The following PHGDH variants were observed in gnomAD, a reference collection of about 807,000 sequenced individuals.
PHGDH encodes the protein D-3-phosphoglycerate dehydrogenase.
Under a neutral mutation model 52.6 loss-of-function variants are expected in PHGDH, and 50 were observed. The observed-to-expected ratio is 0.95, with a 90% CI of 0.76 to 1.20. PHGDH has a LOEUF of 1.20. PHGDH is among the 50% of genes most tolerant of loss of function. The pLI, the probability that PHGDH is intolerant of heterozygous loss-of-function variation, is 0.00. For missense variants in PHGDH, 630 were observed against 684.6 expected (o/e 0.92, Z 0.89); for synonymous variants, 271 against 280.5 (o/e 0.97, Z 0.34).
intron 5 of PHGDH, among the ~76,000 whole-genome samples, chr1:119,731,355 C>T (rs1651682558): frequency 1.3e-5 from 2 of 152,172 alleles, no homozygotes; most frequent in African/African-American, 4.8e-5. Flanking sequence ...AGACTCAGCT[C>T]ATTCATGCTG....
In PHGDH at chr1:119,723,431, T is replaced by A. The variant is rs758575103; in HGVS notation, c.346T>A (p.Cys116Ser). ...AGAACTCACTTGTGGAATGATCATG[T>A]GCCTGGCCAGGTAAGTCCCTGACTT... Reference protein sequence around the residue: ...AAELTCGMIMCLARQIPQATA... With the variant: ...AAELTCGMIMSLARQIPQATA... Residue 116 changes from cysteine (C) to serine (S), a missense_variant, in exon 3 of 12, where the codon TGC becomes AGC. Physicochemically the swap from Cys to Ser is moderately radical, Grantham distance 112. Coordinates refer to ENST00000641023, the MANE Select transcript of PHGDH (RefSeq NM_006623.4). The A allele has an allele frequency of 3.7e-6, 6 of 1,613,298 alleles. No individual in the cohort carries two copies. Among genetic ancestry groups the A allele is most frequent in the South Asian group, 2.2e-5 (2 of 91,070 alleles).
intron 11 of PHGDH, 84 bp from the exon 12 acceptor site, chr1:119,743,802 C>T: frequency 2.8e-6 from 3 of 1,064,238 alleles, no homozygotes; most frequent in Admixed American, 1.7e-5. Flanking sequence ...ATCACAAAAG[C>T]TTTGAACTTC....
chr1:119,730,234 A>T (rs1035784592), intron 5 of PHGDH, among the ~76,000 whole-genome samples: 10 of 152,240 alleles, frequency 6.6e-5, no homozygotes, highest in Admixed American at 4.6e-4. Context: ...GGAAATGAGG[A>T]TAAGTGTTTA....
intron 9 of PHGDH, among the ~76,000 whole-genome samples, chr1:119,741,017 C>T (rs587700903): frequency 1.3e-5 from 2 of 152,220 alleles, no homozygotes; most frequent in Admixed American, 6.5e-5. Context: ...TACCTTGGGC[C>T]GTCTGACAGC....
chr1:119,733,250 A>ACCTTAATCT (rs1440457562), intron 5 of PHGDH, among the ~76,000 whole-genome samples: 10 of 152,172 alleles, frequency 6.6e-5, no homozygotes, highest in African/African-American at 1.7e-4. Context: ...AGGGATCCAG[A>ACCTTAATCT]GGCTTCACCT....
chr1:119,740,532 CT>C lies in PHGDH; in HGVS notation c.1078+16del. ...TGATAACACAGGGTGAGCTGGGGAC[CT>C]TGCAGAGGGAGGGGGAGGAGGGGAT... On this transcript the variant is annotated intron_variant, in intron 9 of 11. Coordinates refer to ENST00000641023, the MANE Select transcript of PHGDH (RefSeq NM_006623.4). 6.4e-7 allele frequency: 1 copy of C among 1,555,644 alleles called. No homozygotes were observed. The highest frequency in any genetic ancestry group is 8.7e-7 in the Non-Finnish European group (1 of 1,147,970).
At chr1:119,727,413 A>G (rs1416720118) in intron 5 of PHGDH, 2 of 431,828 alleles carry the variant, frequency 4.6e-6, no homozygotes, top group African/African-American at 4.0e-5. Flanking sequence ...AAGAATTTAA[A>G]CAAGAGACAC....
chr1:119,719,423 A>G (rs1651054987), intron 1 of PHGDH, among the ~76,000 whole-genome samples: 1 of 152,148 alleles, frequency 6.6e-6, no homozygotes, highest in Non-Finnish European at 1.5e-5. Context: ...ATTTCTTCAA[A>G]TCTCCCACTC....
In PHGDH at chr1:119,742,934, A is replaced by AG; in HGVS notation, c.1341dup (p.Leu448AlafsTer27). ...GTCCAAGGCACTACGCCTGTACTGCAGGGGCTCAATGGAGCTGTCTTCAGG... is the reference window on the plus strand; with the variant it reads ...GTCCAAGGCACTACGCCTGTACTGCAGGGGGCTCAATGGAGCTGTCTTCAGG... On this transcript the variant is annotated frameshift_variant, in exon 11 of 12. Transcript: ENST00000641023. LOFTEE classifies it high-confidence loss of function. 1 of 1,613,732 alleles carries AG rather than the reference A, an allele frequency of 6.2e-7. No homozygotes were observed. Among genetic ancestry groups the AG allele is most frequent in the Non-Finnish European group, 8.5e-7 (1 of 1,179,588 alleles).
At chr1:119,741,688 C>T in intron 9 of PHGDH, 79 bp from the exon 10 acceptor site, 1 of 1,317,452 alleles carries the variant, frequency 7.6e-7, no homozygotes, top group Non-Finnish European at 1.1e-6. Flanking sequence ...TAGTCCAGAG[C>T]TAGGTGCCAG....
intron 1 of PHGDH, 25 bp downstream of exon 1, chr1:119,712,185 G>A: frequency 6.2e-7 from 1 of 1,608,628 alleles, no homozygotes; most frequent in Non-Finnish European, 8.5e-7. Context: ...AGAAAATTGA[G>A]GTCTCTAGGG....
chr1:119,732,482 A>G (rs2101188881), intron 5 of PHGDH, among the ~76,000 whole-genome samples: 1 of 152,324 alleles, frequency 6.6e-6, no homozygotes, highest in African/African-American at 2.4e-5. Context: ...AGGACACACC[A>G]GGACCCTGAC....
intron 9 of PHGDH, among the ~76,000 whole-genome samples, chr1:119,741,092 G>T (rs943859145): frequency 6.6e-6 from 1 of 152,210 alleles, no homozygotes; most frequent in African/African-American, 2.4e-5. Flanking sequence ...ACCACCCCTC[G>T]GGCTGCTGAG....
intron 5 of PHGDH, among the ~76,000 whole-genome samples, chr1:119,733,528 G>GCA (rs1651799457): frequency 7.2e-6 from 1 of 139,252 alleles, no homozygotes; most frequent in Non-Finnish European, 1.5e-5. Flanking sequence ...AGGGGGGGGG[G>GCA]TCTGACTATG....
At chr1:119,741,926 C>G (rs1220570942) in intron 10 of PHGDH, 29 bp downstream of exon 10, 10 of 1,591,366 alleles carry the variant, frequency 6.3e-6, no homozygotes, top group Non-Finnish European at 7.8e-6. Context: ...CGCTGCCTCC[C>G]CATCCCTGTC....
chr1:119,723,039 A>T (rs1651243132), intron 2 of PHGDH, among the ~76,000 whole-genome samples: 1 of 152,312 alleles, frequency 6.6e-6, no homozygotes, highest in South Asian at 2.1e-4. Flanking sequence ...GGAGGCAGGT[A>T]GATCCTGAAA....
Position 119,736,966 on chromosome 1 carries a change from T to C in PHGDH, c.793-148T>C, listed in dbSNP as rs976612537. 7 of 720,194 alleles carry C rather than the reference T, an allele frequency of 9.7e-6. No individual in the cohort carries two copies. The African/African-American group carries it at 1.0e-4, about 11-fold the overall frequency. The allele number at this position is 720,194 out of a possible 1,614,324, so 44.6% of individuals were successfully genotyped here. A position where few individuals can be genotyped will look rare whatever the true frequency, so the allele number is the denominator to read the frequency against. ...GAACATTCATGTGGAAGCCCATTAT[T>C]GAGTCCAGTGACCACCCTGACAAAA... On this transcript the variant is annotated intron_variant, in intron 7 of 11. Transcript: ENST00000641023.
Position 119,742,742 on chromosome 1 carries a change from C to G in PHGDH, c.1210-65C>G, listed in dbSNP as rs1652267750. 6 of 997,376 alleles carry G rather than the reference C, an allele frequency of 6.0e-6. No individual in the cohort carries two copies. In the South Asian group the frequency reaches 8.2e-5, roughly 14 times the overall value. The allele number at this position is 997,376 out of a possible 1,614,324, so 61.8% of individuals were successfully genotyped here. A position where few individuals can be genotyped will look rare whatever the true frequency, so the allele number is the denominator to read the frequency against. On this transcript the variant is annotated intron_variant, in intron 10 of 11. Transcript: ENST00000641023. The stretch of plus-strand genomic sequence containing the variant: ...ACATCCTACCAATGGGTGATTTGGC[C>G]AAGAGAGGAGGGTGGACGTGGTGCA...
At chr1:119,731,130 T>C (rs1651670701) in intron 5 of PHGDH, among the ~76,000 whole-genome samples, 1 of 152,174 alleles carries the variant, frequency 6.6e-6, no homozygotes. Context: ...GCAGTGTGGT[T>C]GTCAGTGGCA....
Sources: gnomAD v4.1 joint callset for allele counts (sites outside exome capture counted in the v4.1 genomes callset) on GRCh38, gnomAD v4.1.1 for gene constraint, MANE v1.5 for transcripts, NCBI Gene and HGNC (gene_info 2026-07-23, HGNC 2026-07-21) for gene names.